The following STRN variants were observed in gnomAD, a reference collection of about 807,000 sequenced individuals.
STRN encodes protein phosphatase 2 regulatory subunit B'''alpha.
Under a neutral mutation model 96.3 loss-of-function variants are expected in STRN, and 53 were observed. That is an observed-to-expected ratio of 0.55 (90% CI 0.44 to 0.69). The LOEUF is 0.69. Among genes scored for constraint, STRN ranks in the 30% least tolerant of loss-of-function variants. STRN has a pLI of 0.00. For synonymous variants in STRN, 428 were observed against 355.9 expected, an observed-to-expected ratio of 1.20 and a Z score of -2.28; for missense variants, 987 against 963.9, an observed-to-expected ratio of 1.02 and a Z score of -0.32.
In STRN at chr2:36,948,081, C is replaced by CTTTTT. The variant is rs553351693; in HGVS notation, c.234+18144_234+18148dup. ...TCTCCTCTATAATTATCAGTGCACT[C>CTTTTT]TTTTTTTTTTTTTTTTTTTTTTTTT... On this transcript the variant is annotated intron_variant, in intron 1 of 17. Transcript: ENST00000263918. 9.1e-4 allele frequency among the ~76,000 whole-genome samples: 62 copies of CTTTTT among 68,138 alleles called. 19 individuals carry two copies. The highest frequency in any genetic ancestry group is 1.6e-3 in the African/African-American group (25 of 15,886). 44.7% of individuals were successfully genotyped at this position (68,138 alleles called of 152,430 possible). A position where few individuals can be genotyped will look rare whatever the true frequency, so the allele number is the denominator to read the frequency against.
At chr2:36,863,845 G>C (rs1287502011) in intron 12 of STRN, among the ~76,000 whole-genome samples, 1 of 152,136 alleles carries the variant, frequency 6.6e-6, no homozygotes, top group South Asian at 2.1e-4. Flanking sequence ...GCAGTGTTTT[G>C]TAATTCTCAG....
chr2:36,947,203 C>T (rs925395229), intron 1 of STRN, among the ~76,000 whole-genome samples: 2 of 151,940 alleles, frequency 1.3e-5, no homozygotes, highest in African/African-American at 4.8e-5. Flanking sequence ...GCCAGAAAGA[C>T]ATTTTTTTAA....
intron 3 of STRN, among the ~76,000 whole-genome samples, chr2:36,913,683 A>G (rs941941013): frequency 6.6e-6 from 1 of 152,208 alleles, no homozygotes; most frequent in African/African-American, 2.4e-5. Flanking sequence ...CTAGGTCTGA[A>G]AAACATTATA....
chr2:36,961,792 CTGACATGACTTCTTCCATTAGTACCTGTT>C (rs1280281940), intron 1 of STRN, among the ~76,000 whole-genome samples: 2 of 152,264 alleles, frequency 1.3e-5, no homozygotes, highest in Admixed American at 6.5e-5. Context: ...AAGACCCTGT[CTGACATGACTTCTTCCATTAGTACCTGTT>C]TGACATGACT....
At chr2:36,887,208 C>A (rs1034813137) in intron 7 of STRN, among the ~76,000 whole-genome samples, 3 of 151,336 alleles carry the variant, frequency 2.0e-5, no homozygotes, top group African/African-American at 7.3e-5. Context: ...GCGGGTGGAT[C>A]ACATGAGGTC....
intron 2 of STRN, among the ~76,000 whole-genome samples, chr2:36,922,121 G>C (rs571286675): frequency 2.0e-5 from 3 of 152,200 alleles, no homozygotes; most frequent in Admixed American, 6.5e-5. Flanking sequence ...CCTATAGAGA[G>C]AGCAAACACA....
chr2:36,940,675 T>A (rs1359511748), intron 1 of STRN, among the ~76,000 whole-genome samples: 3 of 149,602 alleles, frequency 2.0e-5, no homozygotes, highest in Admixed American at 2.0e-4. Context: ...AAAATAAAAA[T>A]AAAAATAAAA....
chr2:36,892,001 G>A (rs1669414145), intron 7 of STRN, among the ~76,000 whole-genome samples: 1 of 152,088 alleles, frequency 6.6e-6, no homozygotes. Flanking sequence ...TATTTCTGAT[G>A]TGTGTAACTA....
rs1224810044 is a variant in STRN at position 36,845,080 on chromosome 2, T to C, written c.*4376A>G. The C allele has an allele frequency of 6.6e-6, 1 of 152,156 alleles. No homozygotes were observed. The highest frequency in any genetic ancestry group is 2.4e-5 in the African/African-American group (1 of 41,450). 9.4% of individuals were successfully genotyped at this position (152,156 alleles called of 1,614,324 possible). ...TGAATGATTATGTACTTAATAGCCT[T>C]GTAGTCACTTTCAAAGAATAAAGTA... On this transcript the variant is annotated 3_prime_UTR_variant, in exon 18 of 18. Transcript: ENST00000263918.
At chr2:36,953,984 G>A (rs1013522488) in intron 1 of STRN, among the ~76,000 whole-genome samples, 1 of 151,858 alleles carries the variant, frequency 6.6e-6, no homozygotes, top group Non-Finnish European at 1.5e-5. Flanking sequence ...TCCAGCCTGG[G>A]CAGAATAGAA....
At chr2:36,918,989 A>G (rs1670178808) in intron 2 of STRN, among the ~76,000 whole-genome samples, 1 of 152,252 alleles carries the variant, frequency 6.6e-6, no homozygotes, top group Non-Finnish European at 1.5e-5. Flanking sequence ...GTAGCATAAA[A>G]ATTGCTTAAT....
rs1364254613 is a variant in STRN at position 36,840,029 on chromosome 2, T to G, written c.*9427A>C. 1 of 152,152 alleles carries G rather than the reference T, an allele frequency of 6.6e-6. No homozygotes were observed. The highest frequency in any genetic ancestry group is 2.1e-4 in the South Asian group (1 of 4,822). 9.4% of individuals were successfully genotyped at this position (152,152 alleles called of 1,614,324 possible). A position where few individuals can be genotyped will look rare whatever the true frequency, so the allele number is the denominator to read the frequency against. On this transcript the variant is annotated 3_prime_UTR_variant, in exon 18 of 18. Transcript: ENST00000263918. ...CAAGACAAAAACCAGCCTGAGAGCA[T>G]CCTGAGGAACTTTGTCCCAGAATTT...
intron 8 of STRN, among the ~76,000 whole-genome samples, chr2:36,885,195 AT>A (rs1419195029): frequency 6.6e-6 from 1 of 152,180 alleles, no homozygotes; most frequent in African/African-American, 2.4e-5. Flanking sequence ...ATGCCTTGAT[AT>A]TTGACAAGAA....
chr2:36,914,703 G>C (rs1425912457), intron 3 of STRN, among the ~76,000 whole-genome samples: 2 of 152,114 alleles, frequency 1.3e-5, no homozygotes, highest in Non-Finnish European at 2.9e-5. Flanking sequence ...AAATACAGAA[G>C]CAACATGGTA....
At chr2:36,868,499 G>C (rs752037126) in intron 11 of STRN, among the ~76,000 whole-genome samples, 32 of 152,154 alleles carry the variant, frequency 2.1e-4, no homozygotes, top group Non-Finnish European at 3.8e-4. Context: ...CTATGACTTT[G>C]ATGGAAACTG....
At chr2:36,872,253 A>G (rs1379343560) in intron 10 of STRN, among the ~76,000 whole-genome samples, 1 of 152,148 alleles carries the variant, frequency 6.6e-6, no homozygotes, top group East Asian at 1.9e-4. Context: ...TTTCACATGC[A>G]CTCACACTGG....
intron 4 of STRN, 138 bp downstream of exon 4, chr2:36,905,402 C>T (rs1669795076): frequency 8.5e-6 from 6 of 708,888 alleles, no homozygotes; most frequent in African/African-American, 1.8e-5. Context: ...GAAAAAGGAA[C>T]AGTAATTCAA....
rs77368877 is a variant in STRN, at chr2:36,843,169, G to A, written c.*6287C>T. 0.02 allele frequency among the ~76,000 whole-genome samples: 2,976 copies of A among 152,220 alleles called. 96 individuals are homozygous for A. Among genetic ancestry groups the A allele is most frequent in the African/African-American group, 0.068 (2,841 of 41,526 alleles). ...AGGTGTTTCCAACACTACTGAAAAT[G>A]TGTGTACATACCAAAGGATATAATA... On this transcript the variant is annotated 3_prime_UTR_variant, in exon 18 of 18. Coordinates refer to ENST00000263918, the MANE Select transcript of STRN (RefSeq NM_003162.4).
chr2:36,920,509 A>T (rs868663139), intron 2 of STRN, among the ~76,000 whole-genome samples: 1 of 152,104 alleles, frequency 6.6e-6, no homozygotes, highest in Middle Eastern at 3.4e-3. Flanking sequence ...GTGGTGGTGT[A>T]TGCCTGTAAT....
Sources: gnomAD v4.1 joint callset for allele counts (sites outside exome capture counted in the v4.1 genomes callset) on GRCh38, gnomAD v4.1.1 for gene constraint, MANE v1.5 for transcripts, NCBI Gene and HGNC (gene_info 2026-07-23, HGNC 2026-07-21) for gene names.